Variants in BRMS1L observed in about 807,000 individuals in gnomAD.
BRMS1L encodes the protein breast cancer metastasis-suppressor 1-like protein.
Under a neutral mutation model 50.3 loss-of-function variants are expected in BRMS1L, and 23 were observed. That is an observed-to-expected ratio of 0.46 (90% CI 0.33 to 0.65). BRMS1L has a LOEUF of 0.65. BRMS1L is among the 30% of genes least tolerant of loss of function. BRMS1L has a pLI of 0.02. For synonymous variants in BRMS1L, 114 were observed against 126.9 expected (o/e 0.90, Z 0.69); for missense variants, 286 against 386.1 (o/e 0.74, Z 2.17).
chr14:35,836,910 T>C (rs571329949), intron 4 of BRMS1L, among the ~76,000 whole-genome samples: 8 of 152,306 alleles, frequency 5.3e-5, no homozygotes, highest in Non-Finnish European at 1.2e-4. Flanking sequence ...TCCTCTCTTA[T>C]TTCCTTGAGC....
rs1195741519 is a variant in BRMS1L at position 35,871,575 on chromosome 14, C to T, written c.*1098C>T. On this transcript the variant is annotated 3_prime_UTR_variant, in exon 10 of 10. Coordinates refer to ENST00000216807, the MANE Select transcript of BRMS1L (RefSeq NM_032352.4). The stretch of plus-strand genomic sequence containing the variant: ...CCGGCTGTAGTGTATATTTAGGGTA[C>T]ACCAAATCAGGTATTCCTGGTGGTC... The T allele has an allele frequency of 1.3e-5, 2 of 152,628 alleles. No homozygotes were observed. Among genetic ancestry groups the T allele is most frequent in the African/African-American group, 4.8e-5 (2 of 41,444 alleles). 9.5% of individuals were successfully genotyped at this position (152,628 alleles called of 1,614,324 possible).
intron 2 of BRMS1L, 105 bp from the exon 3 acceptor site, chr14:35,832,873 T>G (rs2077942016): frequency 5.9e-6 from 6 of 1,009,072 alleles, no homozygotes; most frequent in Middle Eastern, 3.3e-4. Flanking sequence ...TTTGATAGAT[T>G]ATTAGAATAT....
chr14:35,839,364 G>C (rs2078033037), intron 4 of BRMS1L, among the ~76,000 whole-genome samples: 1 of 152,014 alleles, frequency 6.6e-6, no homozygotes, highest in African/African-American at 2.4e-5. Context: ...GCTCTTTTTT[G>C]GTTCCGTATG....
chr14:35,836,122 AT>A (rs1325909985), intron 4 of BRMS1L, among the ~76,000 whole-genome samples: 2 of 152,102 alleles, frequency 1.3e-5, no homozygotes, highest in Middle Eastern at 3.4e-3. Context: ...AGAAGTGCCT[AT>A]TTGTATTTCT....
chr14:35,855,201 T>G (rs1316190710), intron 4 of BRMS1L, among the ~76,000 whole-genome samples: 2 of 152,206 alleles, frequency 1.3e-5, no homozygotes, highest in Non-Finnish European at 2.9e-5. Context: ...CTTCATCAGG[T>G]TAACATGCTG....
At chr14:35,861,424 A>G (rs2182481) in intron 4 of BRMS1L, among the ~76,000 whole-genome samples, 4,612 of 152,174 alleles carry the variant, frequency 0.03, 188 homozygotes, top group African/African-American at 0.088. Context: ...TGTGGAGGGG[A>G]ACTGCTCTCC....
chr14:35,859,911 C>G (rs2078328221), intron 4 of BRMS1L, among the ~76,000 whole-genome samples: 1 of 152,126 alleles, frequency 6.6e-6, no homozygotes. Flanking sequence ...CTCCGTATCC[C>G]AAAGTGCTGG....
At chr14:35,869,728 C>G (rs538054438) in intron 9 of BRMS1L, among the ~76,000 whole-genome samples, 1 of 151,956 alleles carries the variant, frequency 6.6e-6, no homozygotes, top group African/African-American at 2.4e-5. Flanking sequence ...TGCTTGTAGT[C>G]TCAGCTACTT....
chr14:35,870,537 A>G lies in BRMS1L; in HGVS notation c.*60A>G. The G allele has an allele frequency of 9.8e-7, 1 of 1,021,348 alleles. No homozygotes were observed. The highest frequency in any genetic ancestry group is 1.5e-6 in the Non-Finnish European group (1 of 674,354). 63.3% of individuals were successfully genotyped at this position (1,021,348 alleles called of 1,614,324 possible). A position where few individuals can be genotyped will look rare whatever the true frequency, so the allele number is the denominator to read the frequency against. ...AGTGTTACCAAATGTAAGTGCCATG[A>G]GAGTAAAAAAATGTATTCAATAACT... On this transcript the variant is annotated 3_prime_UTR_variant, in exon 10 of 10. Coordinates refer to ENST00000216807, the MANE Select transcript of BRMS1L (RefSeq NM_032352.4).
intron 4 of BRMS1L, among the ~76,000 whole-genome samples, chr14:35,850,049 C>CT (rs34419438): frequency 0.31 from 46,391 of 151,756 alleles, 9,157 homozygotes; most frequent in African/African-American, 0.56. Context: ...TCTTGAACTC[C>CT]GATCTCAAGT....
chr14:35,854,033 A>G (rs951070555), intron 4 of BRMS1L, among the ~76,000 whole-genome samples: 3 of 152,210 alleles, frequency 2.0e-5, no homozygotes, highest in African/African-American at 7.2e-5. Context: ...CTCCCAAATT[A>G]TAATACAAGT....
In BRMS1L at chr14:35,844,549, G is replaced by A. The variant is rs557344199; in HGVS notation, c.441+9626G>A. 5.9e-5 allele frequency among the ~76,000 whole-genome samples: 9 copies of A among 152,306 alleles called. No homozygotes were observed. The South Asian group carries it at 1.2e-3, about 21-fold the overall frequency. On this transcript the variant is annotated intron_variant, in intron 4 of 9. Coordinates refer to ENST00000216807, the MANE Select transcript of BRMS1L (RefSeq NM_032352.4). ...TTAACCAGTCTCAGTGAGATGAACC[G>A]GGTACCCTAGTTGGAAATGCAGAAA...
At chr14:35,847,920 G>A (rs937092090) in intron 4 of BRMS1L, among the ~76,000 whole-genome samples, 28 of 152,154 alleles carry the variant, frequency 1.8e-4, no homozygotes, top group African/African-American at 6.8e-4. Context: ...TCTATTGTAT[G>A]TATTGACTAC....
In BRMS1L at chr14:35,844,622, G is replaced by C. The variant is rs546180508; in HGVS notation, c.441+9699G>C. 2.3e-4 allele frequency among the ~76,000 whole-genome samples: 35 copies of C among 152,284 alleles called. 1 individual carries two copies. In the South Asian group the frequency reaches 6.8e-3, roughly 30 times the overall value. On this transcript the variant is annotated intron_variant, in intron 4 of 9. Coordinates refer to ENST00000216807, the MANE Select transcript of BRMS1L (RefSeq NM_032352.4). ...TTGCTGGGAGCTGCCGACCCGAGCT[G>C]TTCCTATTTGGCCATCTTGCCAGCC...
chr14:35,855,614 T>C (rs2078270140), intron 4 of BRMS1L, among the ~76,000 whole-genome samples: 1 of 152,186 alleles, frequency 6.6e-6, no homozygotes, highest in African/African-American at 2.4e-5. Flanking sequence ...ATTTCTTCTA[T>C]TAATAGTTTA....
intron 4 of BRMS1L, among the ~76,000 whole-genome samples, chr14:35,846,823 C>T (rs908535421): frequency 6.6e-5 from 10 of 152,232 alleles, no homozygotes; most frequent in East Asian, 3.9e-4. Context: ...TATGCAAATA[C>T]GTTGTTCCTC....
chr14:35,850,276 C>T (rs1449190791), intron 4 of BRMS1L, among the ~76,000 whole-genome samples: 5 of 144,064 alleles, frequency 3.5e-5, no homozygotes, highest in African/African-American at 7.8e-5. Context: ...GGTGTGATCT[C>T]GGCTCACCCC....
intron 4 of BRMS1L, among the ~76,000 whole-genome samples, chr14:35,853,016 A>ATCTATC (rs552883048): frequency 6.7e-6 from 1 of 150,338 alleles, no homozygotes; most frequent in African/African-American, 2.5e-5. Context: ...CTATCTATCT[A>ATCTATC]TATATAGAGA....
In BRMS1L at chr14:35,863,886, G is replaced by A. The variant is rs2078385666; in HGVS notation, c.555G>A (p.Glu185=). Residue 185 remains glutamate, a synonymous_variant, in exon 6 of 10, where the codon GAG becomes GAA. Coordinates refer to ENST00000216807, the MANE Select transcript of BRMS1L (RefSeq NM_032352.4). ...ACCTGCCAGAGCTGTGGAATGATGA[G>A]CTTCAGTCAAGAAAAAAGAGGAAGG... ...IDITSELWND[E]LQSRKKRKDP... The A allele has an allele frequency of 6.2e-7, 1 of 1,613,918 alleles. No individual in the cohort carries two copies. The highest frequency in any genetic ancestry group is 8.5e-7 in the Non-Finnish European group (1 of 1,179,916).
Sources: allele counts gnomAD v4.1 joint callset (sites outside exome capture counted in the v4.1 genomes callset), GRCh38; gene constraint gnomAD v4.1.1; transcripts MANE v1.5; gene names NCBI Gene and HGNC (gene_info 2026-07-23, HGNC 2026-07-21).